Variants in KCNT2 observed in about 807,000 individuals in gnomAD.
The protein encoded by KCNT2 is potassium channel subfamily T member 2.
KCNT2 carries 67 observed loss-of-function variants against 153.8 expected under a neutral mutation model. The ratio of observed to expected loss-of-function variants is 0.44; its 90% CI spans 0.36 to 0.53. The LOEUF (loss-of-function observed/expected upper bound fraction) is 0.53. Among genes scored for constraint, KCNT2 ranks in the 20% least tolerant of loss-of-function variants. The pLI, the probability that KCNT2 is intolerant of heterozygous loss-of-function variation, is 0.00. For synonymous variants in KCNT2, 500 were observed against 458.8 expected, an observed-to-expected ratio of 1.09 and a Z score of -1.15; for missense variants, 975 against 1,354.8, an observed-to-expected ratio of 0.72 and a Z score of 4.40.
At chr1:196,578,041 G>A (rs959487586) in intron 1 of KCNT2, among the ~76,000 whole-genome samples, 2 of 152,018 alleles carry the variant, frequency 1.3e-5, no homozygotes, top group African/African-American at 4.8e-5. Context: ...ACTGCTTTTA[G>A]CACATTATGG....
intron 14 of KCNT2, among the ~76,000 whole-genome samples, chr1:196,356,452 T>C (rs1212287611): frequency 1.3e-5 from 2 of 151,784 alleles, no homozygotes; most frequent in African/African-American, 4.8e-5. Context: ...GACCAAACCA[T>C]AATAATGTTT....
chr1:196,282,094 T>G (rs570585905), intron 24 of KCNT2, among the ~76,000 whole-genome samples, 179 bp downstream of exon 24: 3 of 152,262 alleles, frequency 2.0e-5, no homozygotes, highest in African/African-American at 7.2e-5. Flanking sequence ...ATTATGATTA[T>G]TAAGTAAAAA....
chr1:196,423,019 C>T (rs1247253582), intron 12 of KCNT2, 31 bp downstream of exon 12: 1 of 1,432,504 alleles, frequency 7.0e-7, no homozygotes, highest in Non-Finnish European at 9.6e-7. Context: ...ATGGAAAGCA[C>T]AACTTACTAA....
At chr1:196,293,300 A>T (rs1660365947) in intron 22 of KCNT2, among the ~76,000 whole-genome samples, 1 of 152,178 alleles carries the variant, frequency 6.6e-6, no homozygotes, top group Non-Finnish European at 1.5e-5. Context: ...ATCACAAAAG[A>T]CCTCAAACAG....
chr1:196,292,739 G>A (rs1660305263), intron 22 of KCNT2, among the ~76,000 whole-genome samples: 1 of 151,178 alleles, frequency 6.6e-6, no homozygotes, highest in African/African-American at 2.4e-5. Context: ...CCCGGGAGGC[G>A]GGGCGGAACT....
intron 22 of KCNT2, among the ~76,000 whole-genome samples, chr1:196,294,704 C>G (rs1477642227): frequency 6.6e-6 from 1 of 151,848 alleles, no homozygotes; most frequent in Non-Finnish European, 1.5e-5. Context: ...GTCTTGCATG[C>G]CTATGTTCAT....
Position 196,587,071 on chromosome 1 carries a change from C to T in KCNT2, c.95+21144G>A, listed in dbSNP as rs149465749. On this transcript the variant is annotated intron_variant, in intron 1 of 27. Coordinates refer to ENST00000294725, the MANE Select transcript of KCNT2 (RefSeq NM_198503.5). Reference sequence around the variant, plus strand: ...AACTTACTGAAATATAGAAAATATTCGAATCATGGAAAAAATTTGAATAAA... The same window carrying T: ...AACTTACTGAAATATAGAAAATATTTGAATCATGGAAAAAATTTGAATAAA... 4.5e-4 allele frequency among the ~76,000 whole-genome samples: 69 copies of T among 152,058 alleles called. 1 individual carries two copies. The East Asian group carries it at 0.012, about 26-fold the overall frequency.
At chr1:196,415,594 G>A (rs563131151) in intron 12 of KCNT2, among the ~76,000 whole-genome samples, 17 of 151,832 alleles carry the variant, frequency 1.1e-4, no homozygotes, top group African/African-American at 3.4e-4. Context: ...GAGCATATTA[G>A]GAATAGTCTG....
At chr1:196,468,926 T>G in intron 6 of KCNT2, 68 bp downstream of exon 6, 1 of 883,898 alleles carries the variant, frequency 1.1e-6, no homozygotes, top group Non-Finnish European at 1.8e-6. Flanking sequence ...TTTAACAGTA[T>G]CTAGGTTTAA....
intron 14 of KCNT2, among the ~76,000 whole-genome samples, chr1:196,365,503 T>C (rs1374397698): frequency 6.6e-6 from 1 of 152,188 alleles, no homozygotes; most frequent in Non-Finnish European, 1.5e-5. Context: ...TTAATCCTAA[T>C]TTCTGTAATA....
At chr1:196,428,045 AC>A in intron 10 of KCNT2, 59 bp downstream of exon 10, 1 of 1,322,290 alleles carries the variant, frequency 7.6e-7, no homozygotes, top group South Asian at 1.3e-5. Context: ...CAGTTAATTG[AC>A]TTTGACAATA....
chr1:196,279,836 T>C (rs1658928516), intron 25 of KCNT2, among the ~76,000 whole-genome samples: 1 of 152,060 alleles, frequency 6.6e-6, no homozygotes, highest in Non-Finnish European at 1.5e-5. Context: ...AAACTATAAA[T>C]TTGATCAGCA....
intron 22 of KCNT2, among the ~76,000 whole-genome samples, chr1:196,291,130 A>G (rs1660146198): frequency 1.3e-5 from 2 of 152,054 alleles, no homozygotes; most frequent in Non-Finnish European, 2.9e-5. Flanking sequence ...GTGGGTAACA[A>G]TTTCATATAA....
At chr1:196,462,767 C>G (rs949054898) in intron 8 of KCNT2, among the ~76,000 whole-genome samples, 1 of 151,654 alleles carries the variant, frequency 6.6e-6, no homozygotes, top group Non-Finnish European at 1.5e-5. Context: ...TAGGATAACC[C>G]TAGGTTTTAA....
chr1:196,360,299 TGTTGCCACA>T (rs2148267633), intron 14 of KCNT2, among the ~76,000 whole-genome samples: 1 of 152,208 alleles, frequency 6.6e-6, no homozygotes, highest in South Asian at 2.1e-4. Context: ...CTTGTTTGTT[TGTTGCCACA>T]GGAGAAATGG....
chr1:196,253,784 C>T (rs1053818901), intron 26 of KCNT2, among the ~76,000 whole-genome samples: 3 of 151,590 alleles, frequency 2.0e-5, no homozygotes, highest in African/African-American at 7.2e-5. Flanking sequence ...TATTTATACT[C>T]AACCACTCAA....
At chr1:196,376,897 T>C (rs1669013485) in intron 13 of KCNT2, among the ~76,000 whole-genome samples, 2 of 151,916 alleles carry the variant, frequency 1.3e-5, no homozygotes, top group Admixed American at 6.6e-5. Context: ...AGGTTATTAA[T>C]AATGTGCCAT....
intron 27 of KCNT2, among the ~76,000 whole-genome samples, chr1:196,234,082 A>G (rs967529428): frequency 1.3e-5 from 2 of 151,454 alleles, no homozygotes; most frequent in Non-Finnish European, 3.0e-5. Context: ...CAAAGAAATT[A>G]TAAATGTTTG....
chr1:196,394,333 A>G (rs1436498032), intron 13 of KCNT2, among the ~76,000 whole-genome samples: 1 of 151,578 alleles, frequency 6.6e-6, no homozygotes, highest in Non-Finnish European at 1.5e-5. Context: ...GAAATAGCCT[A>G]AAGTGAGAGA....
Sources: gnomAD v4.1 joint callset for allele counts (sites outside exome capture counted in the v4.1 genomes callset) on GRCh38, gnomAD v4.1.1 for gene constraint, MANE v1.5 for transcripts, NCBI Gene and HGNC (gene_info 2026-07-23, HGNC 2026-07-21) for gene names.